AGBL4: variants seen among roughly 807,000 people sequenced by gnomAD.
AGBL4 encodes the protein AGBL carboxypeptidase 4.
Under a neutral mutation model 66.4 loss-of-function variants are expected in AGBL4, and 58 were observed. That is an observed-to-expected ratio of 0.87 (90% CI 0.71 to 1.09). The LOEUF is 1.09. Ranked by LOEUF, AGBL4 falls within the 50% of genes least tolerant of loss-of-function variation. The probability of loss-of-function intolerance (pLI) is 0.00; values close to 1 mark genes in which losing one functional copy is unlikely to be tolerated. For missense variants in AGBL4, 579 were observed against 631.0 expected, an observed-to-expected ratio of 0.92 and a Z score of 0.88; for synonymous variants, 234 against 222.9, an observed-to-expected ratio of 1.05 and a Z score of -0.44.
intron 4 of AGBL4, among the ~76,000 whole-genome samples, chr1:49,200,165 C>G (rs1336316961): frequency 6.6e-6 from 1 of 152,276 alleles, no homozygotes; most frequent in East Asian, 1.9e-4. Context: ...GCCTGCTCAC[C>G]ACTTAATTTG....
chr1:49,792,774 C>T (rs1644632082), intron 2 of AGBL4, among the ~76,000 whole-genome samples: 1 of 151,854 alleles, frequency 6.6e-6, no homozygotes, highest in Non-Finnish European at 1.5e-5. Context: ...GTCTCAAGGG[C>T]AATGGTTCTG....
chr1:49,743,144 A>G (rs937229415), intron 2 of AGBL4, among the ~76,000 whole-genome samples: 5 of 152,224 alleles, frequency 3.3e-5, no homozygotes, highest in African/African-American at 1.2e-4. Flanking sequence ...GATTTTTGCA[A>G]TCTACTCATC....
chr1:49,980,432 C>T (rs1322652911), intron 1 of AGBL4, among the ~76,000 whole-genome samples: 1 of 151,740 alleles, frequency 6.6e-6, no homozygotes, highest in African/African-American at 2.4e-5. Flanking sequence ...TTCCCATTTC[C>T]ACCTTCCCTC....
intron 3 of AGBL4, among the ~76,000 whole-genome samples, chr1:49,404,981 CTG>C (rs1645165641): frequency 6.6e-6 from 1 of 152,246 alleles, no homozygotes; most frequent in Admixed American, 6.5e-5. Context: ...CTTCAAACCA[CTG>C]TGTGACTGAA....
intron 3 of AGBL4, among the ~76,000 whole-genome samples, chr1:49,317,064 C>T (rs1645051658): frequency 6.6e-6 from 1 of 151,816 alleles, no homozygotes; most frequent in African/African-American, 2.4e-5. Flanking sequence ...TCTCTATCAT[C>T]CATCTATCTG....
intron 2 of AGBL4, among the ~76,000 whole-genome samples, chr1:49,786,444 C>G (rs1006384338): frequency 1.3e-5 from 2 of 152,126 alleles, no homozygotes; most frequent in Non-Finnish European, 1.5e-5. Context: ...CTCTGAGCTT[C>G]TTAACAAGCT....
At chr1:49,686,118 C>A (rs1029404920) in intron 3 of AGBL4, among the ~76,000 whole-genome samples, 2 of 152,098 alleles carry the variant, frequency 1.3e-5, no homozygotes, top group Non-Finnish European at 2.9e-5. Context: ...CTGCAGATGG[C>A]TAGACAGTTA....
chr1:48,814,768 C>T (rs1056009358), intron 6 of AGBL4, among the ~76,000 whole-genome samples: 1 of 152,048 alleles, frequency 6.6e-6, no homozygotes, highest in Non-Finnish European at 1.5e-5. Context: ...ACTAGTATTC[C>T]ATTGTGTATA....
At chr1:49,243,674 G>A (rs1403536914) in intron 4 of AGBL4, among the ~76,000 whole-genome samples, 1 of 151,698 alleles carries the variant, frequency 6.6e-6, no homozygotes, top group East Asian at 1.9e-4. Flanking sequence ...CATAGCACAT[G>A]AAGGTGCTCA....
intron 6 of AGBL4, among the ~76,000 whole-genome samples, chr1:48,866,706 C>G (rs956796022): frequency 1.3e-5 from 2 of 152,128 alleles, no homozygotes; most frequent in African/African-American, 4.8e-5. Context: ...TTGGGTGGAC[C>G]TGACCTTCCC....
chr1:49,276,199 CA>C (rs1644164488), intron 3 of AGBL4, among the ~76,000 whole-genome samples: 1 of 151,898 alleles, frequency 6.6e-6, no homozygotes, highest in African/African-American at 2.4e-5. Context: ...ATTATTTAAC[CA>C]AACTAATCTA....
chr1:48,886,110 T>C (rs1650307507), intron 5 of AGBL4, among the ~76,000 whole-genome samples: 4 of 152,036 alleles, frequency 2.6e-5, no homozygotes, highest in Admixed American at 2.6e-4. Flanking sequence ...AGGAAGTAGG[T>C]GGCTAAGAGC....
At chr1:48,849,752 C>G (rs1646992225) in intron 6 of AGBL4, among the ~76,000 whole-genome samples, 1 of 152,190 alleles carries the variant, frequency 6.6e-6, no homozygotes, top group Non-Finnish European at 1.5e-5. Context: ...GTGGACGAAT[C>G]ACTTGAGGTC....
At chr1:49,025,487 A>G (rs918921461) in intron 5 of AGBL4, 5 of 152,166 alleles carry the variant, frequency 3.3e-5, no homozygotes, top group Admixed American at 6.6e-5. Flanking sequence ...CTCCTCAGGG[A>G]TATGGGGAGC....
rs537937252 is a variant in AGBL4 at position 49,540,580 on chromosome 1, A to G, written c.282+156733T>C. On this transcript the variant is annotated intron_variant, in intron 3 of 13. Transcript: ENST00000371839. ...TGCTTAATAAATGTTTGTTAAAAGC[A>G]TAACCAAAAGTTAGCAAAAGGATGT... 4.0e-4 allele frequency among the ~76,000 whole-genome samples: 61 copies of G among 152,362 alleles called. No homozygotes were observed. In the East Asian group the frequency reaches 0.011, roughly 28 times the overall value.
intron 4 of AGBL4, among the ~76,000 whole-genome samples, chr1:49,162,831 A>T (rs1250345503): frequency 6.6e-6 from 1 of 152,208 alleles, no homozygotes; most frequent in Non-Finnish European, 1.5e-5. Flanking sequence ...AAGCTGATAT[A>T]TATTTTAAAA....
At chr1:49,202,434 G>C (rs936275354) in intron 4 of AGBL4, among the ~76,000 whole-genome samples, 38 of 152,074 alleles carry the variant, frequency 2.5e-4, no homozygotes, top group Non-Finnish European at 1.0e-4. Flanking sequence ...CAGACATGTA[G>C]ACCATGAAAC....
At chr1:49,225,363 A>G (rs1229493375) in intron 4 of AGBL4, among the ~76,000 whole-genome samples, 1 of 152,214 alleles carries the variant, frequency 6.6e-6, no homozygotes, top group Non-Finnish European at 1.5e-5. Flanking sequence ...TGCTCTGCTC[A>G]ATATCTCATT....
intron 6 of AGBL4, among the ~76,000 whole-genome samples, chr1:48,772,084 A>G (rs1644864056): frequency 6.6e-6 from 1 of 152,248 alleles, no homozygotes; most frequent in African/African-American, 2.4e-5. Context: ...ACATGGGCAC[A>G]CCAGTGCAGA....
Sources: gnomAD v4.1 joint callset for allele counts (sites outside exome capture counted in the v4.1 genomes callset) on GRCh38, gnomAD v4.1.1 for gene constraint, MANE v1.5 for transcripts, NCBI Gene and HGNC (gene_info 2026-07-23, HGNC 2026-07-21) for gene names.